The following FRY variants were observed in gnomAD, a reference collection of about 807,000 sequenced individuals.
FRY encodes the protein protein furry homolog.
FRY carries 128 observed loss-of-function variants against 348.4 expected under a neutral mutation model. The observed-to-expected ratio is 0.37, with a 90% CI of 0.32 to 0.43. The LOEUF is 0.43. FRY is among the 20% of genes least tolerant of loss of function. The probability of loss-of-function intolerance (pLI) is 1.00; values close to 1 mark genes in which losing one functional copy is unlikely to be tolerated. For missense variants in FRY, 2,736 were observed against 3,695.2 expected, an observed-to-expected ratio of 0.74 and a Z score of 6.73; for synonymous variants, 1,370 against 1,374.7, an observed-to-expected ratio of 1.00 and a Z score of 0.08.
chr13:32,260,419 A>C lies in FRY; in HGVS notation c.7417-1197A>C, dbSNP rs1162426282. ...TTTATTCCTAACAGAAAGAAAAATA[A>C]AACCCAAATCCATTTCTAGAAAAAA... On this transcript the variant is annotated intron_variant, in intron 51 of 60. Transcript: ENST00000542859. Among the ~76,000 whole-genome samples, 5 of 152,254 alleles carry C rather than the reference A, an allele frequency of 3.3e-5. No individual in the cohort carries two copies. The East Asian group carries it at 9.6e-4, about 29-fold the overall frequency.
At chr13:32,079,177 A>G (rs894603058) in intron 2 of FRY, 144 bp downstream of exon 2, 10 of 732,590 alleles carry the variant, frequency 1.4e-5, no homozygotes, top group Non-Finnish European at 2.2e-5. Context: ...TTTTAAAGAT[A>G]ATAGTTAGGT....
chr13:32,242,709 A>G (rs988878293), intron 46 of FRY, among the ~76,000 whole-genome samples: 2 of 151,868 alleles, frequency 1.3e-5, no homozygotes, highest in African/African-American at 2.4e-5. Context: ...TAATTTTTGT[A>G]TTTTTAGTAG....
At chr13:32,070,245 G>C (rs1874548609) in intron 1 of FRY, among the ~76,000 whole-genome samples, 1 of 152,056 alleles carries the variant, frequency 6.6e-6, no homozygotes, top group Non-Finnish European at 1.5e-5. Context: ...GGTATTGCTG[G>C]GTCAAATGGT....
At chr13:32,073,498 G>T (rs182123037) in intron 1 of FRY, among the ~76,000 whole-genome samples, 6 of 152,222 alleles carry the variant, frequency 3.9e-5, no homozygotes, top group Admixed American at 2.0e-4. Flanking sequence ...TGTTCTTTTA[G>T]AATTTATTGT....
intron 49 of FRY, 111 bp from the exon 50 acceptor site, chr13:32,251,767 A>T: frequency 1.3e-6 from 1 of 754,888 alleles, no homozygotes; most frequent in Non-Finnish European, 2.5e-6. Context: ...TTTACATTTC[A>T]TTCTGTCTAT....
rs899870189 is a variant in FRY, at chr13:32,147,891, G to A, written c.1336G>A (p.Val446Ile). ...TLFPKGSRGV[V>I]PRDMPLNIFV... ...TTTCCCCAAAGGGTCCCGCGGTGTG[G>A]TACCAAGGGACATGCCTCTGAACAT... The change falls in exon 13 of 61, where the codon GTA (valine) becomes ATA (isoleucine). Residue 446 changes from valine to isoleucine, a missense_variant. Val to Ile is a conservative substitution (Grantham distance 29, BLOSUM62 3). Around this residue, in one of 9 missense-constraint regions of FRY, gnomAD observed 191 missense variants for 370.2 expected, o/e 0.52. Transcript: ENST00000542859. 3 of 1,611,778 alleles carry A rather than the reference G, an allele frequency of 1.9e-6. No homozygotes were observed. The highest frequency in any genetic ancestry group is 1.1e-5 in the South Asian group (1 of 91,058).
intron 1 of FRY, among the ~76,000 whole-genome samples, chr13:32,045,237 C>G (rs796815994): frequency 1.8e-4 from 28 of 152,126 alleles, no homozygotes; most frequent in African/African-American, 6.7e-4. Flanking sequence ...TTTTTTCAAC[C>G]CTTCATTGTT....
At chr13:32,113,620 G>T (rs1000115154) in intron 3 of FRY, among the ~76,000 whole-genome samples, 2 of 152,220 alleles carry the variant, frequency 1.3e-5, no homozygotes. Context: ...TGTGGTGGAA[G>T]AATATGATCA....
chr13:32,266,692 C>A (rs902511689), intron 54 of FRY, among the ~76,000 whole-genome samples: 1 of 152,100 alleles, frequency 6.6e-6, no homozygotes, highest in Non-Finnish European at 1.5e-5. Flanking sequence ...TGAAAGAATC[C>A]GTGACCTCTT....
At chr13:32,075,202 G>A (rs1172609862) in intron 1 of FRY, among the ~76,000 whole-genome samples, 1 of 152,004 alleles carries the variant, frequency 6.6e-6, no homozygotes, top group Non-Finnish European at 1.5e-5. Context: ...AGTTTTTTTA[G>A]TTTTATCTTT....
At chr13:32,218,655 G>T in intron 35 of FRY, 94 bp from the exon 36 acceptor site, 2 of 706,132 alleles carry the variant, frequency 2.8e-6, no homozygotes. Context: ...GTGCAGCCTG[G>T]TGACAGAGTG....
intron 53 of FRY, among the ~76,000 whole-genome samples, chr13:32,263,167 T>C (rs1421111245): frequency 3.9e-5 from 6 of 152,242 alleles, no homozygotes; most frequent in African/African-American, 1.4e-4. Context: ...TTCCTTATAG[T>C]AGAAATACCA....
intron 3 of FRY, among the ~76,000 whole-genome samples, chr13:32,113,942 T>A (rs182402367): frequency 6.6e-6 from 1 of 152,298 alleles, no homozygotes; most frequent in East Asian, 1.9e-4. Flanking sequence ...GTATGCCCAG[T>A]AGATCTAACA....
chr13:32,268,206 A>T (rs549888956), intron 55 of FRY, among the ~76,000 whole-genome samples: 20 of 152,286 alleles, frequency 1.3e-4, no homozygotes, highest in African/African-American at 4.6e-4. Flanking sequence ...TCCTCTATGC[A>T]TCTTTCTGTA....
At position 32,155,567 on chromosome 13, in the gene FRY, C is replaced by T; in HGVS notation, c.1556C>T (p.Pro519Leu). ...LQQKDGEPPM[P>L]VTGAVLPSGN... The stretch of plus-strand genomic sequence containing the variant: ...CAGAAAGATGGGGAACCTCCCATGC[C>T]GGTTACAGGAGCCGTTCTTCCTTCA... The change falls in exon 15 of 61, where the codon CCG (proline) becomes CTG (leucine). Residue 519 changes from proline (P) to leucine (L), a missense_variant. Coordinates refer to ENST00000542859, the MANE Select transcript of FRY (RefSeq NM_023037.3). 1 of 1,612,354 alleles carries T rather than the reference C, an allele frequency of 6.2e-7. No individual in the cohort carries two copies. Among genetic ancestry groups the T allele is most frequent in the Non-Finnish European group, 8.5e-7 (1 of 1,178,414 alleles).
At chr13:32,267,062 G>A (rs1482610201) in intron 54 of FRY, 108 bp from the exon 55 acceptor site, 2 of 960,132 alleles carry the variant, frequency 2.1e-6, no homozygotes. Flanking sequence ...GGAAGAGTGG[G>A]TAGAATAGCT....
At chr13:32,219,908 GA>G (rs947282480) in intron 36 of FRY, among the ~76,000 whole-genome samples, 5 of 152,162 alleles carry the variant, frequency 3.3e-5, no homozygotes, top group Admixed American at 2.6e-4. Flanking sequence ...TTAGCTTTGT[GA>G]CAGGAATTTC....
intron 17 of FRY, among the ~76,000 whole-genome samples, chr13:32,165,931 C>T (rs1282570939): frequency 6.6e-6 from 1 of 152,212 alleles, no homozygotes; most frequent in African/African-American, 2.4e-5. Flanking sequence ...CTGAGCAGCA[C>T]GTGCCCTTGT....
At chr13:32,203,375 GATGGACTGCC>G (rs1593735264) in intron 31 of FRY, among the ~76,000 whole-genome samples, 1 of 152,146 alleles carries the variant, frequency 6.6e-6, no homozygotes, top group East Asian at 1.9e-4. Flanking sequence ...TTGCATAGTG[GATGGACTGCC>G]ACATGGAGGA....
Sources: gnomAD v4.1 joint callset for allele counts (sites outside exome capture counted in the v4.1 genomes callset) on GRCh38, gnomAD v4.1.1 for gene constraint, gnomAD v4.1.1 regional missense constraint, MANE v1.5 for transcripts, NCBI Gene and HGNC (gene_info 2026-07-23, HGNC 2026-07-21) for gene names.